The following SDK1 variants were observed in gnomAD, a reference collection of about 807,000 sequenced individuals.
SDK1 encodes protein sidekick-1.
In SDK1, 157 loss-of-function variants were observed where a neutral mutation model predicts 245.5. That is an observed-to-expected ratio of 0.64 (90% CI 0.56 to 0.73). The LOEUF (loss-of-function observed/expected upper bound fraction) is 0.73. Ranked by LOEUF, SDK1 falls within the 30% of genes least tolerant of loss-of-function variation. The probability of loss-of-function intolerance (pLI) is 0.00; values close to 1 mark genes in which losing one functional copy is unlikely to be tolerated. For missense variants in SDK1, 3,583 were observed against 3,002.3 expected (o/e 1.19, Z -4.52); for synonymous variants, 1,647 against 1,278.5 (o/e 1.29, Z -6.15).
chr7:3,947,530 TTGTGTGTGTGTGTGTG>T (rs745830597), intron 5 of SDK1, among the ~76,000 whole-genome samples: 191 of 140,454 alleles, frequency 1.4e-3, no homozygotes, highest in Admixed American at 2.5e-3. Context: ...AAGTATTTGC[TTGTGTGTGTGTGTGTG>T]TGTGTGTGTG....
At chr7:3,559,905 A>T (rs1361649490) in intron 1 of SDK1, among the ~76,000 whole-genome samples, 2 of 152,198 alleles carry the variant, frequency 1.3e-5, no homozygotes. Context: ...TTGACAATAA[A>T]TGTTTCAGGA....
intron 1 of SDK1, among the ~76,000 whole-genome samples, chr7:3,429,664 T>A (rs1368480552): frequency 2.0e-5 from 3 of 151,288 alleles, no homozygotes; most frequent in Non-Finnish European, 4.4e-5. Context: ...TGGCACAATC[T>A]CAGTTTACTG....
At chr7:3,897,447 A>G (rs1251658729) in intron 5 of SDK1, among the ~76,000 whole-genome samples, 1 of 152,064 alleles carries the variant, frequency 6.6e-6, no homozygotes, top group African/African-American at 2.4e-5. Flanking sequence ...ATAAGTGGAG[A>G]CACACAGTGT....
intron 22 of SDK1, among the ~76,000 whole-genome samples, chr7:4,105,410 G>A (rs995701950): frequency 3.3e-5 from 5 of 150,282 alleles, no homozygotes; most frequent in East Asian, 4.0e-4. Flanking sequence ...TGGTTCAAGC[G>A]ATTCTCCTGC....
chr7:4,086,306 A>G (rs1781424590), intron 22 of SDK1, among the ~76,000 whole-genome samples: 1 of 152,176 alleles, frequency 6.6e-6, no homozygotes, highest in African/African-American at 2.4e-5. Flanking sequence ...CTGCCATAAC[A>G]AATCACCAAA....
intron 1 of SDK1, among the ~76,000 whole-genome samples, chr7:3,469,936 T>G (rs940297132): frequency 6.6e-6 from 1 of 152,212 alleles, no homozygotes; most frequent in Non-Finnish European, 1.5e-5. Flanking sequence ...AGTTATAGAT[T>G]GCAGAGATTT....
intron 22 of SDK1, among the ~76,000 whole-genome samples, chr7:4,100,462 G>C (rs1782459543): frequency 6.6e-6 from 1 of 152,076 alleles, no homozygotes. Flanking sequence ...GCTGTGGACT[G>C]AGCGTGCCCC....
chr7:3,466,235 T>A lies in SDK1; in HGVS notation c.299-152845T>A, dbSNP rs190509543. 2.0e-3 allele frequency among the ~76,000 whole-genome samples: 304 copies of A among 151,824 alleles called. 1 individual carries two copies. The highest frequency in any genetic ancestry group is 7.0e-3 in the African/African-American group (291 of 41,378). On this transcript the variant is annotated intron_variant, in intron 1 of 44. Coordinates refer to ENST00000404826, the MANE Select transcript of SDK1 (RefSeq NM_152744.4). ...AGCCTTAGGAGTCCTAAGGCAGATT[T>A]TCAGCTTTATATGCTAGTTCTGGGA... is the stretch of plus-strand genomic sequence containing the variant.
chr7:4,229,094 T>C (rs1583126684), intron 40 of SDK1, among the ~76,000 whole-genome samples: 1 of 152,248 alleles, frequency 6.6e-6, no homozygotes, highest in African/African-American at 2.4e-5. Flanking sequence ...AATAGTTCTG[T>C]AATGTTATTT....
At chr7:4,177,678 A>G (rs1261465928) in intron 34 of SDK1, among the ~76,000 whole-genome samples, 5 of 152,180 alleles carry the variant, frequency 3.3e-5, no homozygotes, top group East Asian at 1.9e-4. Context: ...GTGGGAGACA[A>G]TTTTTCCATA....
Position 3,872,124 on chromosome 7 carries a change from C to G in SDK1, c.847+50541C>G, listed in dbSNP as rs550995703. On this transcript the variant is annotated intron_variant, in intron 5 of 44. Coordinates refer to ENST00000404826, the MANE Select transcript of SDK1 (RefSeq NM_152744.4). ...AGATTGGTGAACTTACCTTACAATC[C>G]TTGGATGAATCCCAATTGGTAATAA... Among the ~76,000 whole-genome samples the G allele has an allele frequency of 4.0e-4, 61 of 152,214 alleles. No homozygotes were observed. In the South Asian group the frequency reaches 9.7e-3, roughly 24 times the overall value.
chr7:3,616,116 G>A (rs1781764273), intron 1 of SDK1, among the ~76,000 whole-genome samples: 1 of 152,148 alleles, frequency 6.6e-6, no homozygotes, highest in Non-Finnish European at 1.5e-5. Context: ...TTGCACTCGA[G>A]CTCAAGCAAT....
At position 4,208,151 on chromosome 7, in the gene SDK1, T is replaced by A. The variant is rs370612981; in HGVS notation, c.5267T>A (p.Leu1756His). 6.2e-7 allele frequency: 1 copy of A among 1,613,906 alleles called. No individual in the cohort carries two copies. Among genetic ancestry groups the A allele is most frequent in the Non-Finnish European group, 8.5e-7 (1 of 1,179,960 alleles). The change falls in exon 37 of 45, where the codon CTC (leucine) becomes CAC (histidine). Residue 1756 changes from leucine to histidine, a missense_variant. Physicochemically the swap from Leu to His is moderately conservative, Grantham distance 99 (BLOSUM62 -3). Coordinates refer to ENST00000404826, the MANE Select transcript of SDK1 (RefSeq NM_152744.4). Reference sequence around the variant, plus strand: ...AACGAAACGGAGAAAATGAAGGTCCTCTTCCTCCCCGAGCCCGTGGTGAGG... The same window carrying A: ...AACGAAACGGAGAAAATGAAGGTCCACTTCCTCCCCGAGCCCGTGGTGAGG... The part of the protein sequence containing the change: ...SQNETEKMKV[L>H]FLPEPVVRLK...
At chr7:3,841,293 G>C (rs1196534351) in intron 5 of SDK1, among the ~76,000 whole-genome samples, 1 of 152,160 alleles carries the variant, frequency 6.6e-6, no homozygotes, top group Non-Finnish European at 1.5e-5. Context: ...GCAGCTGTTT[G>C]CATTGTTTGA....
chr7:3,440,401 G>A (rs2128588204), intron 1 of SDK1, among the ~76,000 whole-genome samples: 1 of 152,260 alleles, frequency 6.6e-6, no homozygotes, highest in South Asian at 2.1e-4. Flanking sequence ...AAGCTGCGAA[G>A]GTTCGGAGTT....
At chr7:4,216,279 G>A (rs574095859) in intron 38 of SDK1, among the ~76,000 whole-genome samples, 16 of 152,256 alleles carry the variant, frequency 1.1e-4, no homozygotes, top group African/African-American at 3.4e-4. Flanking sequence ...AAGCAGCTTC[G>A]TGCACCCCGT....
chr7:3,812,683 C>T (rs891452668), intron 4 of SDK1, among the ~76,000 whole-genome samples: 1 of 152,172 alleles, frequency 6.6e-6, no homozygotes, highest in African/African-American at 2.4e-5. Context: ...AGTTTCTTCC[C>T]TCTCTGGTCA....
At chr7:4,166,436 C>T (rs1427193768) in intron 32 of SDK1, among the ~76,000 whole-genome samples, 7 of 152,238 alleles carry the variant, frequency 4.6e-5, no homozygotes, top group African/African-American at 1.7e-4. Context: ...CAGAGGGGCA[C>T]CTGAATGCAC....
intron 13 of SDK1, among the ~76,000 whole-genome samples, chr7:3,983,505 G>A (rs1043433571): frequency 6.6e-6 from 1 of 152,158 alleles, no homozygotes; most frequent in Non-Finnish European, 1.5e-5. Context: ...TTTAAGGTGT[G>A]TACATGTTTT....
Sources: gnomAD v4.1 joint callset for allele counts (sites outside exome capture counted in the v4.1 genomes callset) on GRCh38, gnomAD v4.1.1 for gene constraint, MANE v1.5 for transcripts, NCBI Gene and HGNC (gene_info 2026-07-23, HGNC 2026-07-21) for gene names.